ZSWIM5: variants seen among roughly 807,000 people sequenced by gnomAD.
ZSWIM5 encodes the protein zinc finger SWIM domain-containing protein 5.
In ZSWIM5, 55 loss-of-function variants were observed where a neutral mutation model predicts 119.6. The ratio of observed to expected loss-of-function variants is 0.46; its 90% CI spans 0.37 to 0.58. The LOEUF is 0.58. Ranked by LOEUF, ZSWIM5 falls within the 20% of genes least tolerant of loss-of-function variation. ZSWIM5 has a pLI of 0.00. For synonymous variants in ZSWIM5, 537 were observed against 606.9 expected, an observed-to-expected ratio of 0.88 and a Z score of 1.69; for missense variants, 1,193 against 1,512.8, an observed-to-expected ratio of 0.79 and a Z score of 3.51.
chr1:45,045,636 T>C (rs1372507007), intron 5 of ZSWIM5, among the ~76,000 whole-genome samples: 1 of 152,150 alleles, frequency 6.6e-6, no homozygotes, highest in Non-Finnish European at 1.5e-5. Flanking sequence ...GCTCCTCTAC[T>C]GCTGAACTGA....
chr1:45,084,282 CCCAATGAT>C (rs938126977), intron 2 of ZSWIM5, among the ~76,000 whole-genome samples: 10 of 152,112 alleles, frequency 6.6e-5, no homozygotes, highest in Admixed American at 3.3e-4. Flanking sequence ...ATAAATCCAC[CCCAATGAT>C]CCAATCACCT....
intron 1 of ZSWIM5, among the ~76,000 whole-genome samples, chr1:45,113,243 T>A (rs1645528616): frequency 6.6e-6 from 1 of 152,180 alleles, no homozygotes; most frequent in South Asian, 2.1e-4. Flanking sequence ...TGGTCCTATA[T>A]GGCTGAAGGT....
chr1:45,034,586 G>T, intron 10 of ZSWIM5, 117 bp from the exon 11 acceptor site: 1 of 1,276,630 alleles, frequency 7.8e-7, no homozygotes, highest in Non-Finnish European at 1.1e-6. Flanking sequence ...TTAACTAAGA[G>T]CTTTGAAGGT....
intron 1 of ZSWIM5, among the ~76,000 whole-genome samples, chr1:45,172,543 T>C (rs1645952590): frequency 2.0e-5 from 3 of 152,150 alleles, no homozygotes; most frequent in Non-Finnish European, 2.9e-5. Context: ...GCTGTTGTAA[T>C]TGGTAGTTCT....
intron 5 of ZSWIM5, among the ~76,000 whole-genome samples, chr1:45,047,519 G>A (rs897605318): frequency 2.6e-5 from 4 of 152,114 alleles, no homozygotes; most frequent in Non-Finnish European, 4.4e-5. Context: ...TTTGGTATGG[G>A]AAATATAACA....
chr1:45,034,640 G>C (rs1269960876), intron 10 of ZSWIM5, among the ~76,000 whole-genome samples, 171 bp from the exon 11 acceptor site: 2 of 152,144 alleles, frequency 1.3e-5, no homozygotes, highest in Non-Finnish European at 2.9e-5. Flanking sequence ...TGAGTGCCTG[G>C]GCACTTAAGA....
intron 5 of ZSWIM5, among the ~76,000 whole-genome samples, chr1:45,046,172 G>A (rs1250182533): frequency 1.3e-5 from 2 of 152,108 alleles, no homozygotes; most frequent in African/African-American, 2.4e-5. Context: ...GGCCACTGAA[G>A]AGCTTTGAGC....
At chr1:45,055,076 C>T (rs569903669) in intron 4 of ZSWIM5, among the ~76,000 whole-genome samples, 4 of 152,116 alleles carry the variant, frequency 2.6e-5, no homozygotes, top group South Asian at 2.1e-4. Context: ...ACTGCAAGCT[C>T]GCCTCCCGGG....
chr1:45,128,421 ACTC>A (rs1476766292), intron 1 of ZSWIM5, among the ~76,000 whole-genome samples: 1 of 151,232 alleles, frequency 6.6e-6, no homozygotes, highest in African/African-American at 2.4e-5. Flanking sequence ...CTGGTCTTGA[ACTC>A]CTGGCCTCAA....
chr1:45,035,717 C>T lies in ZSWIM5; in HGVS notation c.2262G>A (p.Leu754=), dbSNP rs140690848. The T allele has an allele frequency of 1.1e-4, 179 of 1,613,846 alleles. No individual in the cohort carries two copies. The East Asian group carries it at 3.2e-3, about 29-fold the overall frequency. ...FSALLPHDPD[L]SYKLALRAMR... is the part of the protein sequence containing the mutation. ...TGGCACGTAAGGCTAATTTATAGGA[C>T]AGGTCTGGATCATGAGGCAGCAGAG... The change falls in exon 10 of 14, where the codon CTG becomes CTA. Residue 754 remains leucine, a synonymous_variant. Transcript: ENST00000359600.
intron 1 of ZSWIM5, among the ~76,000 whole-genome samples, chr1:45,178,474 G>C (rs1645994633): frequency 6.6e-6 from 1 of 152,044 alleles, no homozygotes; most frequent in Non-Finnish European, 1.5e-5. Flanking sequence ...ATGTTTGGGT[G>C]GTCAGATTCT....
chr1:45,175,688 G>A (rs1039921069), intron 1 of ZSWIM5, among the ~76,000 whole-genome samples: 2 of 151,690 alleles, frequency 1.3e-5, no homozygotes, highest in Non-Finnish European at 2.9e-5. Context: ...CTGGGCTCAT[G>A]TGATCTTCCC....
chr1:45,032,517 C>T (rs1644959225), intron 11 of ZSWIM5, among the ~76,000 whole-genome samples: 1 of 148,756 alleles, frequency 6.7e-6, no homozygotes, highest in Non-Finnish European at 1.5e-5. Flanking sequence ...GACAGAGTCT[C>T]ACTCTGTCAC....
At chr1:45,033,084 C>T (rs1485080278) in intron 11 of ZSWIM5, among the ~76,000 whole-genome samples, 1 of 152,078 alleles carries the variant, frequency 6.6e-6, no homozygotes, top group Non-Finnish European at 1.5e-5. Flanking sequence ...TGCAGGCTAC[C>T]GCCACTCCCC....
At position 45,105,523 on chromosome 1, in the gene ZSWIM5, C is replaced by T. The variant is rs556114229; in HGVS notation, c.596-17286G>A. 2.5e-4 allele frequency among the ~76,000 whole-genome samples: 37 copies of T among 149,984 alleles called. No individual in the cohort carries two copies. The South Asian group carries it at 7.5e-3, about 30-fold the overall frequency. On this transcript the variant is annotated intron_variant, in intron 1 of 13. Transcript: ENST00000359600. ...GAGGAGCGCCTCTGCCTGGCCGCCC[C>T]GTCTGGGATGAAGTGAGGAGCGCCT...
chr1:45,058,104 G>A (rs997519421), intron 4 of ZSWIM5, among the ~76,000 whole-genome samples: 1 of 152,156 alleles, frequency 6.6e-6, no homozygotes, highest in Non-Finnish European at 1.5e-5. Context: ...TAACTCAGAT[G>A]AGTAGAAAGA....
intron 1 of ZSWIM5, among the ~76,000 whole-genome samples, chr1:45,108,508 C>A (rs1363634754): frequency 3.3e-5 from 5 of 152,064 alleles, no homozygotes; most frequent in Non-Finnish European, 7.4e-5. Flanking sequence ...ATTAGTCATA[C>A]CCTTTTCCAG....
intron 6 of ZSWIM5, among the ~76,000 whole-genome samples, chr1:45,042,684 A>G (rs1237329649): frequency 6.6e-6 from 1 of 152,176 alleles, no homozygotes; most frequent in Non-Finnish European, 1.5e-5. Flanking sequence ...AGGTTGATTG[A>G]GGGAAAGCCA....
intron 1 of ZSWIM5, among the ~76,000 whole-genome samples, chr1:45,141,338 G>A (rs965193175): frequency 3.9e-5 from 6 of 152,134 alleles, no homozygotes; most frequent in African/African-American, 1.4e-4. Context: ...TTTCTGGTGA[G>A]AGAACAGAAA....
Sources: allele counts gnomAD v4.1 joint callset (sites outside exome capture counted in the v4.1 genomes callset), GRCh38; gene constraint gnomAD v4.1.1; transcripts MANE v1.5; gene names NCBI Gene and HGNC (gene_info 2026-07-23, HGNC 2026-07-21).